TESK2: variants seen among roughly 807,000 people sequenced by gnomAD.
TESK2 encodes testis associated actin remodelling kinase 2, also known as dual specificity testis-specific protein kinase 2.
TESK2 carries 39 observed loss-of-function variants against 57.1 expected under a neutral mutation model. The ratio of observed to expected loss-of-function variants is 0.68; its 90% CI spans 0.53 to 0.89. TESK2 has a LOEUF of 0.89. Among genes scored for constraint, TESK2 ranks in the 40% least tolerant of loss-of-function variants. TESK2 has a pLI of 0.00. For synonymous variants in TESK2, 249 were observed against 267.9 expected, an observed-to-expected ratio of 0.93 and a Z score of 0.69; for missense variants, 646 against 732.1, an observed-to-expected ratio of 0.88 and a Z score of 1.36.
chr1:45,442,544 A>T (rs972881454), intron 2 of TESK2, among the ~76,000 whole-genome samples: 1 of 152,208 alleles, frequency 6.6e-6, no homozygotes, highest in Non-Finnish European at 1.5e-5. Flanking sequence ...ACTGTATCCC[A>T]ACAGAACCAC....
chr1:45,393,965 T>G (rs1231693140), intron 3 of TESK2, among the ~76,000 whole-genome samples: 1 of 152,100 alleles, frequency 6.6e-6, no homozygotes, highest in Non-Finnish European at 1.5e-5. Flanking sequence ...CCTTAAAAAT[T>G]TATATTCTGA....
intron 1 of TESK2, among the ~76,000 whole-genome samples, chr1:45,479,214 T>C (rs1557589661): frequency 6.6e-6 from 1 of 152,142 alleles, no homozygotes; most frequent in Admixed American, 6.6e-5. Context: ...AAATACTATG[T>C]AATGTGAAAG....
intron 3 of TESK2, among the ~76,000 whole-genome samples, chr1:45,412,432 T>C (rs887378078): frequency 6.6e-6 from 1 of 152,246 alleles, no homozygotes; most frequent in Non-Finnish European, 1.5e-5. Flanking sequence ...GAAAGATGGC[T>C]GTCTTAATAA....
Position 45,345,230 on chromosome 1 carries a change from G to A in TESK2, c.1326C>T (p.Asp442=), listed in dbSNP as rs754416959. The A allele has an allele frequency of 6.2e-7, 1 of 1,614,224 alleles. No homozygotes were observed. Among genetic ancestry groups the A allele is most frequent in the Non-Finnish European group, 8.5e-7 (1 of 1,180,032 alleles). The change falls in exon 11 of 11, where the codon GAC becomes GAT. Residue 442 remains aspartate, a synonymous_variant. Coordinates refer to ENST00000372086, the MANE Select transcript of TESK2 (RefSeq NM_007170.3). ...APGPGTMPLA[D]WQEPLAPPIR... is the part of the protein sequence containing the mutation. ...TAGGTGGGGCCAGGGGCTCCTGCCA[G>A]TCAGCCAGGGGCATAGTTCCGGGCC...
intron 1 of TESK2, among the ~76,000 whole-genome samples, chr1:45,470,849 G>A (rs1652732825): frequency 6.6e-6 from 1 of 152,094 alleles, no homozygotes. Flanking sequence ...ATCCATAACA[G>A]TCCTATAAAA....
intron 2 of TESK2, among the ~76,000 whole-genome samples, chr1:45,427,234 CAAAAAAA>C (rs111269135): frequency 4.4e-4 from 57 of 129,506 alleles, no homozygotes; most frequent in African/African-American, 1.5e-3. Flanking sequence ...GACTCTGTCT[CAAAAAAA>C]AAAAAAAAAA....
intron 2 of TESK2, among the ~76,000 whole-genome samples, chr1:45,444,343 C>A (rs1025722076): frequency 6.6e-6 from 1 of 152,154 alleles, no homozygotes; most frequent in African/African-American, 2.4e-5. Context: ...AATAAACAGA[C>A]CTATTCCCCC....
chr1:45,476,886 C>A (rs375311776), intron 1 of TESK2, among the ~76,000 whole-genome samples: 1 of 151,068 alleles, frequency 6.6e-6, no homozygotes, highest in Non-Finnish European at 1.5e-5. Flanking sequence ...GTCACTCATG[C>A]CTATAATCCT....
At chr1:45,488,825 C>A (rs927221343) in intron 1 of TESK2, among the ~76,000 whole-genome samples, 3 of 152,144 alleles carry the variant, frequency 2.0e-5, no homozygotes, top group Non-Finnish European at 4.4e-5. Context: ...CCCCACCCTA[C>A]CAAAACTGCA....
chr1:45,465,018 C>T (rs1429417501), intron 1 of TESK2, among the ~76,000 whole-genome samples: 1 of 152,102 alleles, frequency 6.6e-6, no homozygotes, highest in Non-Finnish European at 1.5e-5. Flanking sequence ...AGGTAGATCA[C>T]CTGAGGTCAG....
intron 5 of TESK2, among the ~76,000 whole-genome samples, chr1:45,354,477 T>G (rs4660301): frequency 6.6e-6 from 1 of 151,500 alleles, no homozygotes; most frequent in Non-Finnish European, 1.5e-5. Flanking sequence ...ATACAAAAAA[T>G]TAGCGAGGGG....
chr1:45,414,879 C>A (rs563512204), intron 3 of TESK2: 24 of 377,990 alleles, frequency 6.3e-5, no homozygotes, highest in Middle Eastern at 8.3e-4. Flanking sequence ...TTCTATTGGA[C>A]AGCAATGCTT....
At chr1:45,385,705 T>C (rs1255316934) in intron 4 of TESK2, among the ~76,000 whole-genome samples, 1 of 139,146 alleles carries the variant, frequency 7.2e-6, no homozygotes, top group Non-Finnish European at 1.6e-5. Flanking sequence ...TATGTGTGTG[T>C]GTGTGTATAT....
chr1:45,468,026 A>G (rs1336494877), intron 1 of TESK2, among the ~76,000 whole-genome samples: 1 of 151,970 alleles, frequency 6.6e-6, no homozygotes, highest in Non-Finnish European at 1.5e-5. Context: ...AAATACAAAA[A>G]TTAGCCCGGC....
chr1:45,480,489 G>T (rs1166662286), intron 1 of TESK2, among the ~76,000 whole-genome samples: 5 of 150,122 alleles, frequency 3.3e-5, no homozygotes, highest in African/African-American at 1.2e-4. Flanking sequence ...TCTCACTTCT[G>T]TGAATTTATC....
intron 4 of TESK2, among the ~76,000 whole-genome samples, chr1:45,370,781 T>A (rs1285528993): frequency 6.6e-6 from 1 of 151,952 alleles, no homozygotes; most frequent in Non-Finnish European, 1.5e-5. Context: ...GAGACAGGAA[T>A]AGAGAGGCAA....
At chr1:45,399,089 C>T (rs17395553) in intron 3 of TESK2, 80,664 of 334,448 alleles carry the variant, frequency 0.24, 10,697 homozygotes, top group East Asian at 0.34. Context: ...TAAAACATTG[C>T]CTTGTTCACA....
intron 2 of TESK2, among the ~76,000 whole-genome samples, chr1:45,445,044 A>C (rs1413234353): frequency 1.3e-5 from 2 of 152,172 alleles, no homozygotes; most frequent in Non-Finnish European, 2.9e-5. Flanking sequence ...CTGGTGTTTG[A>C]GTATTTTTCG....
chr1:45,451,727 A>G (rs1651879731), intron 2 of TESK2, among the ~76,000 whole-genome samples: 1 of 152,110 alleles, frequency 6.6e-6, no homozygotes, highest in Non-Finnish European at 1.5e-5. Flanking sequence ...CCTTTGTTTT[A>G]TAATAATTAA....
Sources: gnomAD v4.1 joint callset for allele counts (sites outside exome capture counted in the v4.1 genomes callset) on GRCh38, gnomAD v4.1.1 for gene constraint, MANE v1.5 for transcripts, NCBI Gene and HGNC (gene_info 2026-07-23, HGNC 2026-07-21) for gene names.